Variants in GNAI3 observed in about 807,000 individuals in gnomAD.
GNAI3 encodes the protein guanine nucleotide-binding protein G(i) subunit alpha-3.
In GNAI3, 12 loss-of-function variants were observed where a neutral mutation model predicts 41.8. The observed-to-expected ratio is 0.29, with a 90% CI of 0.18 to 0.47. GNAI3 has a LOEUF of 0.47. Ranked by LOEUF, GNAI3 falls within the 20% of genes least tolerant of loss-of-function variation. The pLI, the probability that GNAI3 is intolerant of heterozygous loss-of-function variation, is 1.00. For synonymous variants in GNAI3, 132 were observed against 146.5 expected, an observed-to-expected ratio of 0.90 and a Z score of 0.71; for missense variants, 360 against 429.6, an observed-to-expected ratio of 0.84 and a Z score of 1.43.
intron 7 of GNAI3, among the ~76,000 whole-genome samples, chr1:109,587,977 T>C (rs1483059446): frequency 6.6e-6 from 1 of 152,206 alleles, no homozygotes; most frequent in Non-Finnish European, 1.5e-5. Flanking sequence ...CCATCTTTTT[T>C]CTCTCCTCTC....
At position 109,593,557 on chromosome 1, in the gene GNAI3, C is replaced by T. The variant is rs561280016; in HGVS notation, c.*1235C>T. ...AACTAGTCTTTTCTGGAAATACTGT[C>T]TTCTGTTTCCTTTTGCCTTTGCAGA... On this transcript the variant is annotated 3_prime_UTR_variant, in exon 9 of 9. Transcript: ENST00000369851. 1 of 152,766 alleles carries T rather than the reference C, an allele frequency of 6.5e-6. No homozygotes were observed. Among genetic ancestry groups the T allele is most frequent in the African/African-American group, 2.4e-5 (1 of 41,584 alleles). 9.5% of individuals were successfully genotyped at this position (152,766 alleles called of 1,614,324 possible).
intron 3 of GNAI3, among the ~76,000 whole-genome samples, chr1:109,576,718 C>T (rs1359161783): frequency 6.6e-6 from 1 of 152,030 alleles, no homozygotes; most frequent in African/African-American, 2.4e-5. Flanking sequence ...ACGGGGGTTT[C>T]TCCATGTTGG....
At chr1:109,563,563 T>TA (rs34916348) in intron 1 of GNAI3, among the ~76,000 whole-genome samples, 2,672 of 152,048 alleles carry the variant, frequency 0.018, 43 homozygotes, top group Middle Eastern at 0.037. Flanking sequence ...GCCTTTTTTT[T>TA]AAAAAAAACT....
intron 5 of GNAI3, among the ~76,000 whole-genome samples, chr1:109,583,901 T>A (rs987184823): frequency 1.3e-5 from 2 of 152,184 alleles, no homozygotes; most frequent in African/African-American, 4.8e-5. Context: ...ACATTAGTAA[T>A]TCTAAAACAA....
rs1487964838 is a variant in GNAI3 at position 109,599,368 on chromosome 1, ACT to A, written c.*7049_*7050del. The A allele has an allele frequency of 6.5e-6, 1 of 153,166 alleles. No individual in the cohort carries two copies. The highest frequency in any genetic ancestry group is 1.5e-5 in the Non-Finnish European group (1 of 68,818). 9.5% of individuals were successfully genotyped at this position (153,166 alleles called of 1,614,324 possible). A position where few individuals can be genotyped will look rare whatever the true frequency, so the allele number is the denominator to read the frequency against. On this transcript the variant is annotated 3_prime_UTR_variant, in exon 9 of 9. Transcript: ENST00000369851. ...CTTGTTTTCATCTTCCTGAACTGAA[ACT>A]CTGTACCTGTTAAACAGTAACTCCC...
intron 5 of GNAI3, among the ~76,000 whole-genome samples, chr1:109,584,475 TTTAG>T (rs1243069776): frequency 1.3e-5 from 2 of 152,248 alleles, no homozygotes; most frequent in Non-Finnish European, 2.9e-5. Context: ...TAAATCAGTC[TTTAG>T]TTAGGCAAAT....
At chr1:109,550,772 A>G (rs1647964043) in intron 1 of GNAI3, among the ~76,000 whole-genome samples, 1 of 152,150 alleles carries the variant, frequency 6.6e-6, no homozygotes, top group Non-Finnish European at 1.5e-5. Context: ...TGACCTTGTG[A>G]TCCACCCGCC....
Position 109,573,719 on chromosome 1 carries a change from G to A in GNAI3, c.119-18G>A, listed in dbSNP as rs759638039. 2 of 1,585,650 alleles carry A rather than the reference G, an allele frequency of 1.3e-6. No homozygotes were observed. Among genetic ancestry groups the A allele is most frequent in the Admixed American group, 1.7e-5 (1 of 59,868 alleles). ...TTGATTACCGAGAAATTCAAAGTCTGGTTTTCTTTTCTTACAGGTGCTGGA... is the reference window on the plus strand; with the variant it reads ...TTGATTACCGAGAAATTCAAAGTCTAGTTTTCTTTTCTTACAGGTGCTGGA... On this transcript the variant is annotated intron_variant, in intron 1 of 8. Transcript: ENST00000369851.
At chr1:109,571,653 C>G (rs1648599743) in intron 1 of GNAI3, among the ~76,000 whole-genome samples, 1 of 152,180 alleles carries the variant, frequency 6.6e-6, no homozygotes, top group Non-Finnish European at 1.5e-5. Context: ...TGCGATTGCT[C>G]ACTTCTGTAA....
intron 5 of GNAI3, among the ~76,000 whole-genome samples, chr1:109,583,444 G>A (rs1648947209): frequency 6.6e-6 from 1 of 152,078 alleles, no homozygotes; most frequent in African/African-American, 2.4e-5. Flanking sequence ...CAAACTCCTG[G>A]GCTCAGGCTA....
intron 1 of GNAI3, among the ~76,000 whole-genome samples, chr1:109,549,947 T>C (rs1270429811): frequency 6.6e-6 from 1 of 152,204 alleles, no homozygotes; most frequent in African/African-American, 2.4e-5. Context: ...CCACATTTCT[T>C]CATTATTAGT....
At chr1:109,563,462 C>T (rs1648366643) in intron 1 of GNAI3, among the ~76,000 whole-genome samples, 1 of 152,154 alleles carries the variant, frequency 6.6e-6, no homozygotes. Flanking sequence ...TGACTGCTCC[C>T]TTAAGCAATC....
chr1:109,560,135 A>G (rs1648266753), intron 1 of GNAI3, among the ~76,000 whole-genome samples: 1 of 152,232 alleles, frequency 6.6e-6, no homozygotes, highest in East Asian at 1.9e-4. Flanking sequence ...TTAGATACCT[A>G]AAAGTTTAAG....
At chr1:109,565,922 A>G (rs2101095814) in intron 1 of GNAI3, among the ~76,000 whole-genome samples, 1 of 152,350 alleles carries the variant, frequency 6.6e-6, no homozygotes, top group South Asian at 2.1e-4. Flanking sequence ...TTTCATTACT[A>G]TTTTAATCAA....
intron 1 of GNAI3, among the ~76,000 whole-genome samples, chr1:109,571,653 C>T (rs1648599743): frequency 6.6e-6 from 1 of 152,180 alleles, no homozygotes; most frequent in South Asian, 2.1e-4. Flanking sequence ...TGCGATTGCT[C>T]ACTTCTGTAA....
chr1:109,567,464 T>C (rs931950759), intron 1 of GNAI3, among the ~76,000 whole-genome samples: 3 of 152,172 alleles, frequency 2.0e-5, no homozygotes, highest in Non-Finnish European at 4.4e-5. Context: ...GACAGGAATA[T>C]CTGGGGCTGA....
At chr1:109,558,830 C>T (rs565162457) in intron 1 of GNAI3, among the ~76,000 whole-genome samples, 1 of 151,984 alleles carries the variant, frequency 6.6e-6, no homozygotes, top group Non-Finnish European at 1.5e-5. Flanking sequence ...AGTTTTATGG[C>T]AGGGGAATAG....
At position 109,597,061 on chromosome 1, in the gene GNAI3, C is replaced by T. The variant is rs956920858; in HGVS notation, c.*4739C>T. 1.3e-4 allele frequency: 20 copies of T among 152,094 alleles called. No individual in the cohort carries two copies. The highest frequency in any genetic ancestry group is 4.6e-4 in the African/African-American group (19 of 41,408). 9.4% of individuals were successfully genotyped at this position (152,094 alleles called of 1,614,324 possible). On this transcript the variant is annotated 3_prime_UTR_variant, in exon 9 of 9. Coordinates refer to ENST00000369851, the MANE Select transcript of GNAI3 (RefSeq NM_006496.4). ...ATCCAAAAATCTGAAATCCAAAATG[C>T]CCCAGTGTGTGCTTCCTTTGAGTGT...
At chr1:109,579,430 C>A in intron 4 of GNAI3, 69 bp downstream of exon 4, 1 of 1,086,272 alleles carries the variant, frequency 9.2e-7, no homozygotes. Context: ...TTTTAGTCCC[C>A]ACTTAAGGAA....
Sources: gnomAD v4.1 joint callset for allele counts (sites outside exome capture counted in the v4.1 genomes callset) on GRCh38, gnomAD v4.1.1 for gene constraint, MANE v1.5 for transcripts, NCBI Gene and HGNC (gene_info 2026-07-23, HGNC 2026-07-21) for gene names.